TRIO: variants seen among roughly 807,000 people sequenced by gnomAD.
TRIO encodes the protein trio Rho guanine nucleotide exchange factor, also known as triple functional domain protein.
In TRIO, 58 loss-of-function variants were observed where a neutral mutation model predicts 351.9. The observed-to-expected ratio is 0.16, with a 90% CI of 0.13 to 0.21. The LOEUF (loss-of-function observed/expected upper bound fraction) is 0.21, where lower values mean the gene tolerates loss of function less well. TRIO is among the 10% of genes least tolerant of loss of function. The pLI, the probability that TRIO is intolerant of heterozygous loss-of-function variation, is 1.00. For missense variants in TRIO, 3,201 were observed against 4,027.8 expected (o/e 0.79, Z 5.56); for synonymous variants, 1,758 against 1,595.7 (o/e 1.10, Z -2.42).
chr5:14,213,987 C>T (rs138616482), intron 1 of TRIO, among the ~76,000 whole-genome samples: 28 of 152,320 alleles, frequency 1.8e-4, no homozygotes, highest in African/African-American at 6.0e-4. Flanking sequence ...TCTAATGACT[C>T]TCTGCTTTAA....
intron 24 of TRIO, 53 bp from the exon 25 acceptor site, chr5:14,389,236 T>A (rs1746832778): frequency 7.1e-7 from 1 of 1,402,098 alleles, no homozygotes; most frequent in Non-Finnish European, 9.8e-7. Flanking sequence ...AACAGCTGTT[T>A]CTTGAAAATA....
Position 14,508,336 on chromosome 5 carries a change from A to G in TRIO, c.9208A>G (p.Ile3070Val). The G allele has an allele frequency of 1.2e-6, 2 of 1,614,062 alleles. No individual in the cohort carries two copies. Among genetic ancestry groups the G allele is most frequent in the South Asian group, 1.1e-5 (1 of 91,090 alleles). ...CGACACGTCCAGACTGACTTCCTTC[A>G]TTGAGCGGCGCAAACACCAGAATGA... ...VLDTSRLTSF[I>V]ERRKHQNDVR... The change falls in exon 57 of 57, where the codon ATT (isoleucine) becomes GTT (valine). Residue 3070 changes from isoleucine to valine, a missense_variant. Physicochemically the swap from Ile to Val is conservative, Grantham distance 29. This residue lies in a region of TRIO where 233 missense variants were observed against 292.6 expected (regional missense o/e 0.80). Transcript: ENST00000344204.
rs372468155 is a variant in TRIO at position 14,280,388 on chromosome 5, G to A, written c.299G>A (p.Arg100Gln). Residue 100 changes from arginine to glutamine, a missense_variant, in exon 3 of 57, where the codon CGA becomes CAA. By Grantham distance (43) the Arg-to-Gln change is conservative. Around this residue, in one of 19 missense-constraint regions of TRIO, gnomAD observed 109 missense variants for 134.6 expected, o/e 0.81. Transcript: ENST00000344204. ...FPARSNHDRI[R>Q]QEDLRRLISY... ...GCCCGCAGCAATCATGACAGAATAC[G>A]ACAGGAGGATCTCAGGAGACTCATT... The A allele has an allele frequency of 1.1e-5, 17 of 1,613,966 alleles. No individual in the cohort carries two copies. The highest frequency in any genetic ancestry group is 3.3e-4 in the Middle Eastern group (2 of 6,082).
Position 14,497,119 on chromosome 5 carries a change from C to T in TRIO, c.8019+102C>T. The stretch of plus-strand genomic sequence containing the variant: ...ACCTGAAGCTGGGCTTGCTTATGAC[C>T]TCCCTCCCACCCACCAGCCCCGTGC... On this transcript the variant is annotated intron_variant, in intron 50 of 56. Transcript: ENST00000344204. The surrounding 1 kb of genome is among the most constrained non-coding windows in gnomAD (Gnocchi z 4.4). 3.4e-6 allele frequency: 5 copies of T among 1,490,182 alleles called. No homozygotes were observed. The highest frequency in any genetic ancestry group is 4.4e-5 in the Admixed American group (2 of 45,132). 92.3% of individuals were successfully genotyped at this position (1,490,182 alleles called of 1,614,324 possible). A position where few individuals can be genotyped will look rare whatever the true frequency, so the allele number is the denominator to read the frequency against.
chr5:14,151,246 C>T (rs1326483197), intron 1 of TRIO, among the ~76,000 whole-genome samples: 4 of 152,108 alleles, frequency 2.6e-5, no homozygotes, highest in Non-Finnish European at 5.9e-5. Context: ...AGTGTTAGCC[C>T]CACCTACTTT....
intron 9 of TRIO, among the ~76,000 whole-genome samples, chr5:14,322,051 A>G (rs1739937984): frequency 6.6e-6 from 1 of 152,108 alleles, no homozygotes; most frequent in Non-Finnish European, 1.5e-5. Context: ...GACTAATACA[A>G]CGCCCCTGCA....
intron 23 of TRIO, 143 bp downstream of exon 23, chr5:14,387,990 A>G: frequency 1.3e-6 from 1 of 777,102 alleles, no homozygotes; most frequent in Non-Finnish European, 2.1e-6. Flanking sequence ...TTGTGTCAGC[A>G]CAGACTTCGC....
intron 47 of TRIO, 72 bp from the exon 48 acceptor site, chr5:14,487,392 C>G (rs1756003892): frequency 9.2e-7 from 1 of 1,081,820 alleles, no homozygotes; most frequent in Admixed American, 3.9e-5. Flanking sequence ...AGGGTGGGCC[C>G]TGTTCCTCCC....
intron 37 of TRIO, 101 bp from the exon 38 acceptor site, chr5:14,471,217 C>A: frequency 7.4e-7 from 1 of 1,343,992 alleles, no homozygotes; most frequent in South Asian, 1.9e-5. Context: ...TTCACAAATA[C>A]ATTTTCTGTA....
chr5:14,178,696 TA>T (rs1230562772), intron 1 of TRIO, among the ~76,000 whole-genome samples: 8 of 152,162 alleles, frequency 5.3e-5, no homozygotes, highest in Non-Finnish European at 1.2e-4. Flanking sequence ...TGAAGATATT[TA>T]TGACTCCCAC....
At chr5:14,354,774 T>C (rs928957962) in intron 11 of TRIO, among the ~76,000 whole-genome samples, 1 of 152,214 alleles carries the variant, frequency 6.6e-6, no homozygotes, top group African/African-American at 2.4e-5. Flanking sequence ...TGTTGATTCC[T>C]TAAGTGTTCT....
intron 1 of TRIO, among the ~76,000 whole-genome samples, chr5:14,159,321 C>CAA (rs34735917): frequency 1.4e-5 from 2 of 140,442 alleles, no homozygotes; most frequent in Admixed American, 7.1e-5. Flanking sequence ...AAATCGCAGT[C>CAA]AAAAAAAAAA....
chr5:14,304,495 G>C lies in TRIO; in HGVS notation c.1403G>C (p.Cys468Ser). The C allele has an allele frequency of 6.2e-7, 1 of 1,613,884 alleles. No homozygotes were observed. Among genetic ancestry groups the C allele is most frequent in the Non-Finnish European group, 8.5e-7 (1 of 1,179,976 alleles). The change falls in exon 8 of 57, where the codon TGC (cysteine) becomes TCC (serine). Residue 468 changes from cysteine (C) to serine (S), a missense_variant. This residue lies in a region of TRIO where 349 missense variants were observed against 449.3 expected (regional missense o/e 0.78). Transcript: ENST00000344204. ...AACGTGGATTCATGGTGTAAAGCTT[G>C]CGGTGAGGTAGACCTTCCCTCAGAG... ...MSNVDSWCKA[C>S]GEVDLPSELQ...
intron 33 of TRIO, among the ~76,000 whole-genome samples, chr5:14,415,936 G>A (rs1431844945): frequency 6.6e-6 from 1 of 151,682 alleles, no homozygotes; most frequent in Non-Finnish European, 1.5e-5. Context: ...TATGAATCTC[G>A]CAAGTGTTAA....
At chr5:14,262,402 A>C (rs1017160282) in intron 1 of TRIO, among the ~76,000 whole-genome samples, 3 of 151,984 alleles carry the variant, frequency 2.0e-5, no homozygotes, top group African/African-American at 7.3e-5. Flanking sequence ...CAGTTCCTGG[A>C]GTGAGCCTGG....
chr5:14,360,613 A>G (rs62344983), intron 13 of TRIO, among the ~76,000 whole-genome samples: 13,855 of 152,270 alleles, frequency 0.091, 952 homozygotes, highest in African/African-American at 0.19. Flanking sequence ...GGCTGTGCGT[A>G]GCCTGCCCTC....
intron 1 of TRIO, among the ~76,000 whole-genome samples, chr5:14,172,430 TTC>T (rs1188526327): frequency 2.0e-5 from 3 of 152,192 alleles, no homozygotes; most frequent in African/African-American, 7.2e-5. Flanking sequence ...GGCTCCTGTC[TTC>T]TGAGTGACAG....
intron 1 of TRIO, among the ~76,000 whole-genome samples, chr5:14,204,469 G>C (rs2152179428): frequency 6.6e-6 from 1 of 152,252 alleles, no homozygotes; most frequent in African/African-American, 2.4e-5. Flanking sequence ...CAAGGTCCTG[G>C]CACCCATGGT....
chr5:14,328,553 T>C (rs1400335437), intron 9 of TRIO, among the ~76,000 whole-genome samples: 1 of 152,246 alleles, frequency 6.6e-6, no homozygotes, highest in African/African-American at 2.4e-5. Flanking sequence ...CTAGTTAAAA[T>C]AATGTACCGA....
Sources: allele counts gnomAD v4.1 joint callset (sites outside exome capture counted in the v4.1 genomes callset), GRCh38; gene constraint gnomAD v4.1.1; regional missense constraint gnomAD v4.1.1; non-coding constraint Gnocchi (gnomAD v3.1); transcripts MANE v1.5; gene names NCBI Gene and HGNC (gene_info 2026-07-23, HGNC 2026-07-21).